Variants in CENPP observed in about 807,000 individuals in gnomAD.
The protein encoded by CENPP is centromere protein P.
A neutral mutation model predicts 35.6 loss-of-function variants in CENPP; 24 were observed. The observed-to-expected ratio is 0.67, with a 90% CI of 0.49 to 0.95. The LOEUF (loss-of-function observed/expected upper bound fraction) is 0.95. CENPP is among the 40% of genes least tolerant of loss of function. CENPP has a pLI of 0.00. For missense variants in CENPP, 332 were observed against 345.3 expected, an observed-to-expected ratio of 0.96 and a Z score of 0.31; for synonymous variants, 120 against 125.5, an observed-to-expected ratio of 0.96 and a Z score of 0.29.
chr9:92,525,982 AT>A (rs914662423), intron 5 of CENPP, among the ~76,000 whole-genome samples: 2 of 150,902 alleles, frequency 1.3e-5, no homozygotes, highest in Non-Finnish European at 2.9e-5. Context: ...TGGTTTATGT[AT>A]TTACTATACT....
At chr9:92,612,448 G>A in intron 6 of CENPP, 75 bp from the exon 7 acceptor site, 2 of 1,155,394 alleles carry the variant, frequency 1.7e-6, no homozygotes, top group Non-Finnish European at 2.6e-6. Context: ...ATGGAGACCA[G>A]GTGCGACTCA....
In CENPP at chr9:92,524,400, G is replaced by A. The variant is rs559525411; in HGVS notation, c.565-86914G>A. 5.9e-5 allele frequency among the ~76,000 whole-genome samples: 9 copies of A among 152,260 alleles called. No homozygotes were observed. The South Asian group carries it at 6.2e-4, about 11-fold the overall frequency. ...TAGCATTATGGTCAGACAGACTGGC[G>A]CAATCCCTGTGAAGTCTGGTGGCCA... On this transcript the variant is annotated intron_variant, in intron 5 of 7. Transcript: ENST00000375587.
chr9:92,608,500 CTG>C (rs1302965493), intron 5 of CENPP, among the ~76,000 whole-genome samples: 1 of 152,182 alleles, frequency 6.6e-6, no homozygotes, highest in Non-Finnish European at 1.5e-5. Context: ...TTGAGATGTG[CTG>C]ACCGTAGGCC....
intron 2 of CENPP, 57 bp downstream of exon 2, chr9:92,332,408 G>A (rs942974301): frequency 1.3e-4 from 152 of 1,147,588 alleles, no homozygotes; most frequent in Non-Finnish European, 1.7e-4. Context: ...TTATGCATAA[G>A]AAATTGGTTG....
chr9:92,571,733 C>G (rs1294490396), intron 5 of CENPP, among the ~76,000 whole-genome samples: 2 of 152,128 alleles, frequency 1.3e-5, no homozygotes, highest in South Asian at 2.1e-4. Context: ...TTGTAGGTCT[C>G]TAAGGGCTTG....
chr9:92,421,007 G>A (rs898531523), intron 5 of CENPP, among the ~76,000 whole-genome samples: 3 of 152,118 alleles, frequency 2.0e-5, no homozygotes, highest in Non-Finnish European at 4.4e-5. Flanking sequence ...ACTCTTGAAG[G>A]AGCAAAATAA....
chr9:92,424,537 A>G (rs759252672), intron 5 of CENPP: 1 of 152,184 alleles, frequency 6.6e-6, no homozygotes, highest in Admixed American at 6.6e-5. Flanking sequence ...TCTAATGTGA[A>G]AGGCAAACAA....
At chr9:92,339,211 G>A (rs1841029302) in intron 3 of CENPP, among the ~76,000 whole-genome samples, 1 of 152,202 alleles carries the variant, frequency 6.6e-6, no homozygotes, top group South Asian at 2.1e-4. Flanking sequence ...CAAGCTGCCT[G>A]CTTATATTCA....
intron 5 of CENPP, among the ~76,000 whole-genome samples, chr9:92,568,967 G>T (rs1479571495): frequency 6.6e-6 from 1 of 152,152 alleles, no homozygotes; most frequent in Non-Finnish European, 1.5e-5. Flanking sequence ...GTACTTTGTA[G>T]ATTCTGGATA....
chr9:92,612,681 TC>T, intron 7 of CENPP, 67 bp downstream of exon 7: 2 of 1,155,518 alleles, frequency 1.7e-6, no homozygotes, highest in South Asian at 2.5e-5. Flanking sequence ...CCTGCCTGTT[TC>T]CTCTGGGTTT....
At chr9:92,580,606 T>A (rs1308566633) in intron 5 of CENPP, among the ~76,000 whole-genome samples, 10 of 150,040 alleles carry the variant, frequency 6.7e-5, no homozygotes, top group South Asian at 2.1e-4. Flanking sequence ...GTTTGCAGTA[T>A]TCTCTGATGG....
At chr9:92,483,764 G>A (rs1163349133) in intron 5 of CENPP, among the ~76,000 whole-genome samples, 1 of 152,190 alleles carries the variant, frequency 6.6e-6, no homozygotes, top group African/African-American at 2.4e-5. Context: ...ATGTGCCTCA[G>A]ATGTGCATAG....
At chr9:92,409,389 A>G (rs1213811836) in intron 5 of CENPP, among the ~76,000 whole-genome samples, 1 of 152,208 alleles carries the variant, frequency 6.6e-6, no homozygotes, top group African/African-American at 2.4e-5. Context: ...AAACAGAAAA[A>G]TTATGTAGAA....
chr9:92,504,880 C>G (rs1846904717), intron 5 of CENPP, among the ~76,000 whole-genome samples: 1 of 152,190 alleles, frequency 6.6e-6, no homozygotes, highest in South Asian at 2.1e-4. Flanking sequence ...TGTTGACATT[C>G]ATCAGCCAAA....
intron 5 of CENPP, among the ~76,000 whole-genome samples, chr9:92,431,037 G>A (rs998183247): frequency 6.6e-6 from 1 of 152,018 alleles, no homozygotes; most frequent in African/African-American, 2.4e-5. Flanking sequence ...CTGGTGATCC[G>A]CCTGCTTCAG....
At chr9:92,479,122 T>C (rs1845821057) in intron 5 of CENPP, among the ~76,000 whole-genome samples, 1 of 151,750 alleles carries the variant, frequency 6.6e-6, no homozygotes, top group Non-Finnish European at 1.5e-5. Context: ...GAACTGAGAG[T>C]TGAGAGGAGA....
intron 4 of CENPP, among the ~76,000 whole-genome samples, chr9:92,376,419 C>T (rs562320218): frequency 4.6e-5 from 7 of 152,186 alleles, no homozygotes; most frequent in South Asian, 2.1e-4. Flanking sequence ...CCCACAGCCA[C>T]GGAAAACCAG....
chr9:92,589,437 T>C (rs1850618107), intron 5 of CENPP, among the ~76,000 whole-genome samples: 2 of 151,906 alleles, frequency 1.3e-5, no homozygotes, highest in Admixed American at 6.6e-5. Context: ...AAAAAATTTG[T>C]GTAAGATAAG....
intron 5 of CENPP, among the ~76,000 whole-genome samples, chr9:92,445,309 G>A (rs1844526146): frequency 6.6e-6 from 1 of 152,066 alleles, no homozygotes; most frequent in African/African-American, 2.4e-5. Flanking sequence ...CCCATGCAGG[G>A]TTCCCAGCTT....
Sources: allele counts gnomAD v4.1 joint callset (sites outside exome capture counted in the v4.1 genomes callset), GRCh38; gene constraint gnomAD v4.1.1; transcripts MANE v1.5; gene names NCBI Gene and HGNC (gene_info 2026-07-23, HGNC 2026-07-21).